Variants in ZNF462 observed in about 807,000 individuals in gnomAD.
The protein encoded by ZNF462 is zinc finger PBX1-interacting protein.
ZNF462 carries 10 observed loss-of-function variants against 201.9 expected under a neutral mutation model. That is an observed-to-expected ratio of 0.05 (90% CI 0.03 to 0.08). ZNF462 has a LOEUF of 0.08. Among genes scored for constraint, ZNF462 ranks in the 10% least tolerant of loss-of-function variants. ZNF462 has a pLI of 1.00. For missense variants in ZNF462, 2,523 were observed against 3,168.3 expected (o/e 0.80, Z 4.89); for synonymous variants, 1,227 against 1,193.3 (o/e 1.03, Z -0.58).
rs1228723895 is a variant in ZNF462 at position 106,930,817 on chromosome 9, G to A, written c.6012+128G>A. ...GGCATTCCTGAATTATGCTTGGATTGGTTTGGCTTGTTTTGATTTCTTTGC... is the reference window on the plus strand; with the variant it reads ...GGCATTCCTGAATTATGCTTGGATTAGTTTGGCTTGTTTTGATTTCTTTGC... On this transcript the variant is annotated intron_variant, in intron 4 of 12. Coordinates refer to ENST00000277225, the MANE Select transcript of ZNF462 (RefSeq NM_021224.6). This position sits in a 1 kb window ranked among gnomAD's most constrained non-coding sequence, Gnocchi z 5.8. 3 of 1,202,282 alleles carry A rather than the reference G, an allele frequency of 2.5e-6. No individual in the cohort carries two copies. Among genetic ancestry groups the A allele is most frequent in the Non-Finnish European group, 3.4e-6 (3 of 872,296 alleles). 74.5% of individuals were successfully genotyped at this position (1,202,282 alleles called of 1,614,324 possible). A position where few individuals can be genotyped will look rare whatever the true frequency, so the allele number is the denominator to read the frequency against.
In ZNF462 at chr9:107,011,198, TAAATTA is replaced by T. The variant is rs1368092068; in HGVS notation, c.*171_*176del. ...ACTGGTACCTGTGTGAGTGAGTATG[TAAATTA>T]AAGTTATTTAAATGGTTGGAATATG... On this transcript the variant is annotated 3_prime_UTR_variant, in exon 13 of 13. Coordinates refer to ENST00000277225, the MANE Select transcript of ZNF462 (RefSeq NM_021224.6). This position sits in a 1 kb window ranked among gnomAD's most constrained non-coding sequence, Gnocchi z 5.6. The T allele has an allele frequency of 1.6e-6, 1 of 607,414 alleles. No individual in the cohort carries two copies. The highest frequency in any genetic ancestry group is 2.9e-6 in the Non-Finnish European group (1 of 347,832). 37.6% of individuals were successfully genotyped at this position (607,414 alleles called of 1,614,324 possible).
intron 1 of ZNF462, among the ~76,000 whole-genome samples, chr9:106,894,462 T>C (rs552976029): frequency 1.3e-5 from 2 of 152,376 alleles, no homozygotes; most frequent in Non-Finnish European, 2.9e-5. Flanking sequence ...TCTAACTCTT[T>C]AGTCTTTATC....
rs986570850 is a variant in ZNF462 at position 106,902,183 on chromosome 9, A to AT, written c.-30-21165dup. Among the ~76,000 whole-genome samples, 2 of 151,900 alleles carry AT rather than the reference A, an allele frequency of 1.3e-5. No individual in the cohort carries two copies. The highest frequency in any genetic ancestry group is 2.1e-4 in the South Asian group (1 of 4,804). ...CTGCCTCTATTGAGATGATCATGTG[A>AT]TTTTTTATTTTTAATTCTGTTTATG... On this transcript the variant is annotated intron_variant, in intron 1 of 12. Transcript: ENST00000277225. This position sits in a 1 kb window ranked among gnomAD's most constrained non-coding sequence, Gnocchi z 4.2.
At position 106,927,957 on chromosome 9, in the gene ZNF462, C is replaced by T; in HGVS notation, c.4045C>T (p.Leu1349=). 1 of 1,614,186 alleles carries T rather than the reference C, an allele frequency of 6.2e-7. No individual in the cohort carries two copies. Among genetic ancestry groups the T allele is most frequent in the African/African-American group, 1.3e-5 (1 of 75,046 alleles). The stretch of plus-strand genomic sequence containing the variant: ...TGATTACACCTACATGGCTACTAAA[C>T]TGTGGGCTGGGCCAGACCCATCCCC... ...YVDYTYMATK[L]WAGPDPSPPS... Residue 1349 remains leucine (L), a synonymous_variant, in exon 3 of 13, where the codon CTG becomes TTG. Transcript: ENST00000277225.
intron 11 of ZNF462, among the ~76,000 whole-genome samples, chr9:107,004,687 CAT>C (rs1829425195): frequency 1.3e-5 from 2 of 152,090 alleles, no homozygotes; most frequent in Admixed American, 1.3e-4. Flanking sequence ...AGCTAATTAA[CAT>C]ATGCATTACC....
intron 1 of ZNF462, among the ~76,000 whole-genome samples, chr9:106,893,176 G>T (rs779727009): frequency 9.2e-5 from 14 of 152,192 alleles, no homozygotes; most frequent in Non-Finnish European, 1.8e-4. Context: ...AGAAGCAGAT[G>T]TGCTCTCTGA....
At chr9:106,969,668 G>A (rs1826486599) in intron 7 of ZNF462, among the ~76,000 whole-genome samples, 1 of 152,120 alleles carries the variant, frequency 6.6e-6, no homozygotes, top group South Asian at 2.1e-4. Flanking sequence ...TACTAATCTG[G>A]GAGATCCAGG....
At chr9:106,882,115 A>C (rs892538811) in intron 1 of ZNF462, among the ~76,000 whole-genome samples, 1 of 152,138 alleles carries the variant, frequency 6.6e-6, no homozygotes, top group Non-Finnish European at 1.5e-5. Context: ...GACTGGTTTC[A>C]GGGAAAAAGA....
chr9:106,953,030 A>C (rs986764650), intron 7 of ZNF462, among the ~76,000 whole-genome samples: 18 of 152,148 alleles, frequency 1.2e-4, no homozygotes, highest in African/African-American at 3.9e-4. Context: ...AAAAGGTTAT[A>C]CATGAACCCC....
chr9:107,000,730 A>T (rs1303596174), intron 10 of ZNF462, among the ~76,000 whole-genome samples: 1 of 152,190 alleles, frequency 6.6e-6, no homozygotes, highest in Non-Finnish European at 1.5e-5. Context: ...AAAATCATGC[A>T]GAATTTAAAA....
intron 10 of ZNF462, among the ~76,000 whole-genome samples, chr9:106,999,110 G>C (rs1376959686): frequency 1.3e-5 from 2 of 152,152 alleles, no homozygotes; most frequent in Non-Finnish European, 2.9e-5. Flanking sequence ...TGCAGAAAGA[G>C]CCTGGAAGGA....
At chr9:106,878,263 C>T (rs1034755232) in intron 1 of ZNF462, among the ~76,000 whole-genome samples, 1 of 152,180 alleles carries the variant, frequency 6.6e-6, no homozygotes, top group African/African-American at 2.4e-5. Flanking sequence ...GTATGTAAAG[C>T]ATTCAGCACC....
chr9:106,961,946 T>G (rs1296150313), intron 7 of ZNF462, among the ~76,000 whole-genome samples: 3 of 151,966 alleles, frequency 2.0e-5, no homozygotes, highest in Non-Finnish European at 4.4e-5. Context: ...AAAGTGAATA[T>G]TAGAAGCCTT....
At chr9:106,947,524 A>G (rs1412285169) in intron 7 of ZNF462, among the ~76,000 whole-genome samples, 5 of 152,330 alleles carry the variant, frequency 3.3e-5, no homozygotes, top group Admixed American at 2.0e-4. Context: ...TCTGGTTTAC[A>G]TAACGGTTCT....
intron 1 of ZNF462, among the ~76,000 whole-genome samples, chr9:106,914,224 A>G (rs1829674113): frequency 6.6e-6 from 1 of 151,532 alleles, no homozygotes; most frequent in Non-Finnish European, 1.5e-5. Context: ...AGGACCCCAT[A>G]AAGGGCCTCT....
At chr9:106,960,087 A>T (rs921133673) in intron 7 of ZNF462, among the ~76,000 whole-genome samples, 1 of 152,062 alleles carries the variant, frequency 6.6e-6, no homozygotes, top group Non-Finnish European at 1.5e-5. Flanking sequence ...ACAATTTTAG[A>T]AGAGCTCTGT....
In ZNF462 at chr9:106,885,805, G is replaced by A. The variant is rs1456024645; in HGVS notation, c.-31+22450G>A. Among the ~76,000 whole-genome samples, 1 of 152,170 alleles carries A rather than the reference G, an allele frequency of 6.6e-6. No individual in the cohort carries two copies. The highest frequency in any genetic ancestry group is 2.4e-5 in the African/African-American group (1 of 41,440). On this transcript the variant is annotated intron_variant, in intron 1 of 12. Transcript: ENST00000277225. The surrounding 1 kb of genome is among the most constrained non-coding windows in gnomAD (Gnocchi z 4.1). ...CTATCTTGCACATGGGACTGATGTT[G>A]AGGACTGCTTGATGTTTTGGAGCCC...
Position 106,911,728 on chromosome 9 carries a change from A to G in ZNF462, c.-30-11626A>G, listed in dbSNP as rs75930912. Among the ~76,000 whole-genome samples, 6 of 152,306 alleles carry G rather than the reference A, an allele frequency of 3.9e-5. No individual in the cohort carries two copies. The East Asian group carries it at 1.2e-3, about 29-fold the overall frequency. The stretch of plus-strand genomic sequence containing the variant: ...CAACATCTTCCTGATTTTCTAAGCT[A>G]TTCTCTTCAGAATGATAACAGGCTT... On this transcript the variant is annotated intron_variant, in intron 1 of 12. Transcript: ENST00000277225.
intron 1 of ZNF462, among the ~76,000 whole-genome samples, chr9:106,910,280 T>A (rs553917866): frequency 7.2e-4 from 110 of 152,096 alleles, no homozygotes; most frequent in Non-Finnish European, 1.3e-3. Flanking sequence ...AATTTTCTTC[T>A]GTGTCCTGTT....
Sources: allele counts gnomAD v4.1 joint callset (sites outside exome capture counted in the v4.1 genomes callset), GRCh38; gene constraint gnomAD v4.1.1; non-coding constraint Gnocchi (gnomAD v3.1); transcripts MANE v1.5; gene names NCBI Gene and HGNC (gene_info 2026-07-23, HGNC 2026-07-21).